CRYBG3: variants seen among roughly 807,000 people sequenced by gnomAD.
CRYBG3 encodes very large A-kinase anchor protein.
In CRYBG3, 127 loss-of-function variants were observed where a neutral mutation model predicts 244.2. The ratio of observed to expected loss-of-function variants is 0.52; its 90% confidence interval spans 0.45 to 0.60. The LOEUF is 0.60. Among genes scored for constraint, CRYBG3 ranks in the 20% least tolerant of loss-of-function variants. CRYBG3 has a pLI of 0.00. For synonymous variants in CRYBG3, 1,132 were observed against 1,195.8 expected, an observed-to-expected ratio of 0.95 and a Z score of 1.10; for missense variants, 3,325 against 3,442.5, an observed-to-expected ratio of 0.97 and a Z score of 0.85.
At position 97,822,027 on chromosome 3, in the gene CRYBG3, G is replaced by C. The variant is rs1001470442; in HGVS notation, c.-180G>C. On this transcript the variant is annotated 5_prime_UTR_variant, in exon 1 of 22. Transcript: ENST00000389622. ...AGCCGCAGCGGCGTGAGGAGCTGCC[G>C]CGCGAGGAGCGCGTCGCGTCCGCAC... 2 of 439,560 alleles carry C rather than the reference G, an allele frequency of 4.5e-6. No individual in the cohort carries two copies. The highest frequency in any genetic ancestry group is 7.6e-6 in the Non-Finnish European group (2 of 262,816). 27.2% of individuals were successfully genotyped at this position (439,560 alleles called of 1,614,324 possible).
At chr3:97,907,203 T>G (rs1342360941) in intron 15 of CRYBG3, among the ~76,000 whole-genome samples, 2 of 152,306 alleles carry the variant, frequency 1.3e-5, no homozygotes, top group East Asian at 3.9e-4. Flanking sequence ...TGGTCTAAAA[T>G]TCTCTTTTTT....
At position 97,872,295 on chromosome 3, in the gene CRYBG3, T is replaced by A; in HGVS notation, c.1101T>A (p.Ser367Arg). 6.5e-7 allele frequency: 1 copy of A among 1,535,840 alleles called. No homozygotes were observed. Among genetic ancestry groups the A allele is most frequent in the Non-Finnish European group, 8.7e-7 (1 of 1,146,674 alleles). ...DGESDSQHHL[S>R]CEPVSQTNRN... ...AATCTGACTCACAGCACCATTTAAG[T>A]TGTGAACCGGTTTCTCAGACTAACA... Residue 367 changes from serine to arginine, a missense_variant, in exon 4 of 22, where the codon AGT becomes AGA. Ser to Arg is a moderately radical substitution (Grantham distance 110). This residue lies in a region of CRYBG3 where 1,526 missense variants were observed against 1,443.2 expected (regional missense o/e 1.06). Coordinates refer to ENST00000389622, the MANE Select transcript of CRYBG3 (RefSeq NM_153605.4).
intron 4 of CRYBG3, among the ~76,000 whole-genome samples, chr3:97,879,313 T>C (rs1161893175): frequency 6.6e-6 from 1 of 152,222 alleles, no homozygotes; most frequent in Non-Finnish European, 1.5e-5. Flanking sequence ...CACTGAAATA[T>C]TGTTTTTCAA....
chr3:97,828,464 TAC>T (rs1352668467), intron 1 of CRYBG3, among the ~76,000 whole-genome samples: 1 of 150,620 alleles, frequency 6.6e-6, no homozygotes, highest in Non-Finnish European at 1.5e-5. Flanking sequence ...ATGATGTATC[TAC>T]CAAAAAGAAT....
At chr3:97,922,023 C>T (rs1441114620) in intron 17 of CRYBG3, among the ~76,000 whole-genome samples, 1 of 152,068 alleles carries the variant, frequency 6.6e-6, no homozygotes, top group Non-Finnish European at 1.5e-5. Context: ...ACTGTGATAA[C>T]ATAAATGATC....
At chr3:97,931,039 T>G (rs561665082) in intron 17 of CRYBG3, among the ~76,000 whole-genome samples, 2 of 152,128 alleles carry the variant, frequency 1.3e-5, no homozygotes, top group East Asian at 3.9e-4. Flanking sequence ...ATTCAGCTTC[T>G]CTCTATTCCA....
At chr3:97,910,872 T>C (rs2039864124) in intron 15 of CRYBG3, among the ~76,000 whole-genome samples, 2 of 152,238 alleles carry the variant, frequency 1.3e-5, no homozygotes, top group South Asian at 4.1e-4. Context: ...ATTTTATACA[T>C]CTTTAAGTTA....
Position 97,876,483 on chromosome 3 carries a change from A to C in CRYBG3, c.5289A>C (p.Val1763=), listed in dbSNP as rs2039373723. ...TEVMPLALEV[V]NTYQKNAKGF... ...TGATGCCCCTTGCATTAGAGGTAGTAAATACTTACCAAAAAAATGCCAAAG... is the reference window on the plus strand; with the variant it reads ...TGATGCCCCTTGCATTAGAGGTAGTCAATACTTACCAAAAAAATGCCAAAG... The change falls in exon 4 of 22, where the codon GTA becomes GTC. Residue 1763 remains valine (V), a synonymous_variant. Transcript: ENST00000389622. 6.5e-6 allele frequency: 8 copies of C among 1,232,040 alleles called. No individual in the cohort carries two copies. The highest frequency in any genetic ancestry group is 8.1e-6 in the Non-Finnish European group (8 of 987,978). 76.3% of individuals were successfully genotyped at this position (1,232,040 alleles called of 1,614,324 possible).
In CRYBG3 at chr3:97,899,173, A is replaced by G. The variant is rs2039675165; in HGVS notation, c.7881A>G (p.Glu2627=). The G allele has an allele frequency of 1.2e-6, 2 of 1,613,676 alleles. No individual in the cohort carries two copies. Among genetic ancestry groups the G allele is most frequent in the Non-Finnish European group, 1.7e-6 (2 of 1,179,862 alleles). ...VAYQQKFFCG[E]QYILEKGKYK... ...ACCAGCAAAAGTTCTTCTGTGGAGA[A>G]CAATACATTTTAGAAAAAGGGAAAT... The change falls in exon 14 of 22, where the codon GAA becomes GAG. Residue 2627 remains glutamate (E), a synonymous_variant. Transcript: ENST00000389622.
chr3:97,857,887 A>G (rs896943489), intron 2 of CRYBG3, among the ~76,000 whole-genome samples: 1 of 152,064 alleles, frequency 6.6e-6, no homozygotes, highest in Admixed American at 6.6e-5. Context: ...TTTCGTATAT[A>G]CATTGTTCCT....
At chr3:97,929,519 A>C (rs936581470) in intron 17 of CRYBG3, among the ~76,000 whole-genome samples, 7 of 151,998 alleles carry the variant, frequency 4.6e-5, no homozygotes, top group Non-Finnish European at 1.0e-4. Context: ...TACATTTATA[A>C]TTCAAGTATA....
intron 15 of CRYBG3, among the ~76,000 whole-genome samples, chr3:97,902,508 G>A (rs765932339): frequency 4.0e-5 from 6 of 150,732 alleles, no homozygotes; most frequent in African/African-American, 9.8e-5. Context: ...AAAAAAAAGC[G>A]GGATACATGT....
chr3:97,893,900 G>A (rs1316044524), intron 11 of CRYBG3, among the ~76,000 whole-genome samples: 3 of 152,146 alleles, frequency 2.0e-5, no homozygotes, highest in East Asian at 1.9e-4. Context: ...GTTTCCGGCA[G>A]TAAATTAAGT....
intron 1 of CRYBG3, among the ~76,000 whole-genome samples, chr3:97,834,534 A>G (rs1190638702): frequency 6.6e-6 from 1 of 152,130 alleles, no homozygotes. Flanking sequence ...AATGTTTTGA[A>G]TTTGATGTTT....
chr3:97,886,540 G>C (rs938304953), intron 7 of CRYBG3, 91 bp from the exon 8 acceptor site: 2 of 852,496 alleles, frequency 2.3e-6, no homozygotes, highest in Non-Finnish European at 3.4e-6. Context: ...ACTCAATAAT[G>C]AGAACAGTGT....
In CRYBG3 at chr3:97,843,259, A is replaced by G; in HGVS notation, c.214A>G (p.Lys72Glu). The change falls in exon 2 of 22, where the codon AAG (lysine) becomes GAG (glutamate). Residue 72 changes from lysine (K) to glutamate (E), a missense_variant and splice_region_variant. Coordinates refer to ENST00000389622, the MANE Select transcript of CRYBG3 (RefSeq NM_153605.4). Reference sequence around the variant, plus strand: ...AAATGTACTTTCATCAGAAGCAGTAAAGGTATAGTTTTAAATTAATATTAT... The same window carrying G: ...AAATGTACTTTCATCAGAAGCAGTAGAGGTATAGTTTTAAATTAATATTAT... ...KENVLSSEAV[K>E]IRQSEDKRNH... The G allele has an allele frequency of 6.9e-7, 1 of 1,449,706 alleles. No individual in the cohort carries two copies. Among genetic ancestry groups the G allele is most frequent in the Non-Finnish European group, 9.3e-7 (1 of 1,074,588 alleles). The allele number at this position is 1,449,706 out of a possible 1,614,324, so 89.8% of individuals were successfully genotyped here. A position where few individuals can be genotyped will look rare whatever the true frequency, so the allele number is the denominator to read the frequency against.
chr3:97,905,355 C>A (rs1454084737), intron 15 of CRYBG3, among the ~76,000 whole-genome samples: 20 of 151,718 alleles, frequency 1.3e-4, no homozygotes, highest in Non-Finnish European at 2.5e-4. Context: ...TTTACAGTCC[C>A]ACCAACAGTG....
intron 1 of CRYBG3, among the ~76,000 whole-genome samples, chr3:97,824,265 A>G (rs1038667038): frequency 2.0e-5 from 3 of 152,198 alleles, no homozygotes; most frequent in Non-Finnish European, 4.4e-5. Context: ...CAGAATTGCA[A>G]TTTGTCACTG....
chr3:97,822,401 C>T, intron 1 of CRYBG3, 46 bp downstream of exon 1: 1 of 1,414,142 alleles, frequency 7.1e-7, no homozygotes, highest in African/African-American at 1.5e-5. Context: ...CACATATTCG[C>T]GGGATGAAGG....
Sources: gnomAD v4.1 joint callset for allele counts (sites outside exome capture counted in the v4.1 genomes callset) on GRCh38, gnomAD v4.1.1 for gene constraint, gnomAD v4.1.1 regional missense constraint, MANE v1.5 for transcripts, NCBI Gene and HGNC (gene_info 2026-07-23, HGNC 2026-07-21) for gene names.